Variants in ALDH1L1 observed in about 807,000 individuals in gnomAD.
ALDH1L1 encodes the protein cytosolic 10-formyltetrahydrofolate dehydrogenase.
ALDH1L1 carries 68 observed loss-of-function variants against 101.1 expected under a neutral mutation model. That is an observed-to-expected ratio of 0.67 (90% CI 0.55 to 0.82). ALDH1L1 has a LOEUF of 0.82. Ranked by LOEUF, ALDH1L1 falls within the 40% of genes least tolerant of loss-of-function variation. The pLI, the probability that ALDH1L1 is intolerant of heterozygous loss-of-function variation, is 0.00. For missense variants in ALDH1L1, 1,087 were observed against 1,172.7 expected (o/e 0.93, Z 1.07); for synonymous variants, 486 against 470.8 (o/e 1.03, Z -0.42).
intron 1 of ALDH1L1, among the ~76,000 whole-genome samples, chr3:126,196,619 A>G (rs1338158112): frequency 6.6e-6 from 1 of 152,250 alleles, no homozygotes; most frequent in Non-Finnish European, 1.5e-5. Flanking sequence ...AACAAAGCTC[A>G]ACTAAGGATA....
chr3:126,109,302 T>C (rs1945996478), intron 20 of ALDH1L1, among the ~76,000 whole-genome samples: 1 of 152,220 alleles, frequency 6.6e-6, no homozygotes, highest in African/African-American at 2.4e-5. Context: ...TGGCCTGGAC[T>C]GCTCGATCAG....
intron 1 of ALDH1L1, among the ~76,000 whole-genome samples, chr3:126,172,167 G>A (rs2081290928): frequency 6.6e-6 from 1 of 152,104 alleles, no homozygotes; most frequent in Non-Finnish European, 1.5e-5. Flanking sequence ...CATTATATCT[G>A]ATTTTCTGCA....
chr3:126,109,286 C>T (rs370002683), intron 20 of ALDH1L1, among the ~76,000 whole-genome samples: 3 of 152,218 alleles, frequency 2.0e-5, no homozygotes, highest in Admixed American at 6.5e-5. Flanking sequence ...GTGGCTGCTG[C>T]GCTTCTGGCC....
chr3:126,177,406 G>T (rs1191170257), intron 1 of ALDH1L1, among the ~76,000 whole-genome samples: 3 of 152,168 alleles, frequency 2.0e-5, no homozygotes, highest in Non-Finnish European at 4.4e-5. Context: ...GTCACAGAAA[G>T]ACATGGAGGA....
intron 1 of ALDH1L1, among the ~76,000 whole-genome samples, chr3:126,162,662 T>C (rs1385261320): frequency 6.6e-6 from 1 of 152,222 alleles, no homozygotes; most frequent in Non-Finnish European, 1.5e-5. Context: ...CCTCGTATAA[T>C]GTCTTTTGAT....
At chr3:126,184,390 A>G (rs901119610), upstream of ALDH1L1, among the ~76,000 whole-genome samples, 3 of 152,304 alleles carry the variant, frequency 2.0e-5, no homozygotes, top group African/African-American at 2.4e-5. Flanking sequence ...CCACACTCTA[A>G]TGCAACTATT....
At chr3:126,190,014 A>G (rs1320774662) in intron 1 of ALDH1L1, among the ~76,000 whole-genome samples, 1 of 152,216 alleles carries the variant, frequency 6.6e-6, no homozygotes, top group East Asian at 1.9e-4. Context: ...TAACTGCTTT[A>G]GAGTTTGTCC....
intron 4 of ALDH1L1, 36 bp from the exon 5 acceptor site, chr3:126,155,539 A>G (rs1366669608): frequency 1.3e-6 from 2 of 1,579,634 alleles, no homozygotes; most frequent in South Asian, 1.2e-5. Flanking sequence ...CCCCAGCAAT[A>G]GGACCCTGCC....
chr3:126,195,905 C>T (rs1559988509), intron 1 of ALDH1L1, among the ~76,000 whole-genome samples: 2 of 151,872 alleles, frequency 1.3e-5, no homozygotes, highest in South Asian at 2.1e-4. Flanking sequence ...AGGTGGGAAC[C>T]GAACAATGAG....
In ALDH1L1 at chr3:126,176,503, T is replaced by C. The variant is rs77690693; in HGVS notation, c.-24+3973A>G. On this transcript the variant is annotated intron_variant, in intron 1 of 22. Transcript: ENST00000393434. ...AGTCAGATAGATCAATTGAACAGAA[T>C]AGAGAGCCCAGAAGTAAACTCACAT... Among the ~76,000 whole-genome samples the C allele has an allele frequency of 3.6e-3, 543 of 152,262 alleles. 2 individuals are homozygous for C. The highest frequency in any genetic ancestry group is 6.4e-3 in the Non-Finnish European group (435 of 68,002).
intron 4 of ALDH1L1, 28 bp downstream of exon 4, chr3:126,157,315 C>A: frequency 6.3e-7 from 1 of 1,594,294 alleles, no homozygotes; most frequent in Non-Finnish European, 8.6e-7. Flanking sequence ...TCGGGGCGGG[C>A]AGGGCGCGGC....
chr3:126,135,237 C>A (rs1331148346), intron 12 of ALDH1L1: 2 of 280,744 alleles, frequency 7.1e-6, no homozygotes, highest in Non-Finnish European at 1.3e-5. Context: ...GGAGGCCCAG[C>A]CTGCGCCCAC....
intron 16 of ALDH1L1, among the ~76,000 whole-genome samples, chr3:126,118,857 C>A (rs2080026539): frequency 6.6e-6 from 1 of 152,116 alleles, no homozygotes; most frequent in South Asian, 2.1e-4. Flanking sequence ...CTGCCCCGTC[C>A]CACGCCCCCA....
chr3:126,161,350 C>T (rs951917402), intron 1 of ALDH1L1, among the ~76,000 whole-genome samples: 17 of 152,226 alleles, frequency 1.1e-4, no homozygotes, highest in African/African-American at 3.1e-4. Flanking sequence ...CTGTAACTAA[C>T]CAGTTCTATG....
chr3:126,159,535 C>T (rs368660768), intron 2 of ALDH1L1: 13 of 456,550 alleles, frequency 2.8e-5, no homozygotes, highest in East Asian at 2.1e-4. Context: ...CTCTCCTCTC[C>T]GGTCTCCTCC....
At chr3:126,112,748 A>G in intron 19 of ALDH1L1, 34 bp downstream of exon 19, 2 of 1,601,226 alleles carry the variant, frequency 1.2e-6, no homozygotes, top group Admixed American at 3.3e-5. Context: ...GTCCCAGTGA[A>G]CCAGCCGCCC....
intron 4 of ALDH1L1, chr3:126,156,134 G>A (rs2080899014): frequency 6.6e-6 from 1 of 152,312 alleles, no homozygotes; most frequent in Non-Finnish European, 1.5e-5. Context: ...GTCCAACACG[G>A]TGGCCAGGGG....
At position 126,107,188 on chromosome 3, in the gene ALDH1L1, C is replaced by T. The variant is rs1287128906; in HGVS notation, c.2406G>A (p.Lys802=). The T allele has an allele frequency of 1.2e-6, 2 of 1,614,184 alleles. No homozygotes were observed. Among genetic ancestry groups the T allele is most frequent in the Non-Finnish European group, 8.5e-7 (1 of 1,180,024 alleles). ...TCATGACAGGCCCGAAGGACTCCTC[C>T]TTGGCTATGAACATGTGGTCTTCCA... is the stretch of plus-strand genomic sequence containing the variant. ...TDVEDHMFIA[K]EESFGPVMII... Residue 802 remains lysine (K), a synonymous_variant, in exon 21 of 23, where the codon AAG becomes AAA. Coordinates refer to ENST00000393434, the MANE Select transcript of ALDH1L1 (RefSeq NM_012190.4).
At chr3:126,151,318 C>CTGAA (rs2080803154) in intron 7 of ALDH1L1, 1 of 152,218 alleles carries the variant, frequency 6.6e-6, no homozygotes, top group South Asian at 2.1e-4. Context: ...AGAGGAGAGG[C>CTGAA]TGAAAAAGGG....
Sources: gnomAD v4.1 joint callset for allele counts (sites outside exome capture counted in the v4.1 genomes callset) on GRCh38, gnomAD v4.1.1 for gene constraint, MANE v1.5 for transcripts, NCBI Gene and HGNC (gene_info 2026-07-23, HGNC 2026-07-21) for gene names.